Variants in ANKS1A observed in about 807,000 individuals in gnomAD.
The protein encoded by ANKS1A is ankyrin repeat and SAM domain-containing protein 1A.
ANKS1A carries 55 observed loss-of-function variants against 120.3 expected under a neutral mutation model. The ratio of observed to expected loss-of-function variants is 0.46; its 90% CI spans 0.37 to 0.57. The LOEUF is 0.57. ANKS1A is among the 20% of genes least tolerant of loss of function. The pLI is 0.00. For missense variants in ANKS1A, 1,123 were observed against 1,480.3 expected, an observed-to-expected ratio of 0.76 and a Z score of 3.96; for synonymous variants, 590 against 604.7, an observed-to-expected ratio of 0.98 and a Z score of 0.36.
In ANKS1A at chr6:35,090,560, G is replaced by C. The variant is rs1778247306; in HGVS notation, c.*1951G>C. ...TCATATTGGAAGCCTTGGCTAGTCT[G>C]CTCTAGCTCTGGGTTCTGTTTAGAG... is the stretch of plus-strand genomic sequence containing the variant. On this transcript the variant is annotated 3_prime_UTR_variant, in exon 24 of 24. Transcript: ENST00000360359. The C allele has an allele frequency of 9.8e-7, 1 of 1,020,586 alleles. No homozygotes were observed. Among genetic ancestry groups the C allele is most frequent in the Non-Finnish European group, 1.2e-6 (1 of 851,598 alleles). The allele number at this position is 1,020,586 out of a possible 1,614,324, so 63.2% of individuals were successfully genotyped here. A position where few individuals can be genotyped will look rare whatever the true frequency, so the allele number is the denominator to read the frequency against.
intron 11 of ANKS1A, among the ~76,000 whole-genome samples, chr6:35,045,331 C>A (rs1260432289): frequency 6.6e-6 from 1 of 152,178 alleles, no homozygotes; most frequent in Admixed American, 6.5e-5. Context: ...TTTGAGGAAA[C>A]TGAATCTTAA....
At chr6:35,041,685 C>T (rs137906422) in intron 11 of ANKS1A, among the ~76,000 whole-genome samples, 135 of 152,268 alleles carry the variant, frequency 8.9e-4, no homozygotes, top group African/African-American at 2.9e-3. Context: ...CATGTTGCTG[C>T]CCATATAGGC....
chr6:35,073,764 TTTTC>T (rs1777195481), intron 13 of ANKS1A, among the ~76,000 whole-genome samples: 1 of 152,196 alleles, frequency 6.6e-6, no homozygotes, highest in Non-Finnish European at 1.5e-5. Flanking sequence ...AGAAAATCTC[TTTTC>T]CCCCATGACC....
intron 13 of ANKS1A, among the ~76,000 whole-genome samples, chr6:35,070,272 C>T (rs1400737539): frequency 6.6e-6 from 1 of 152,066 alleles, no homozygotes; most frequent in Non-Finnish European, 1.5e-5. Context: ...CCAACTCTTT[C>T]CCAGCTTAAC....
Position 35,090,333 on chromosome 6 carries a change from A to C in ANKS1A, c.*1724A>C. 2 of 1,281,630 alleles carry C rather than the reference A, an allele frequency of 1.6e-6. No individual in the cohort carries two copies. The highest frequency in any genetic ancestry group is 2.0e-6 in the Non-Finnish European group (2 of 983,002). The allele number at this position is 1,281,630 out of a possible 1,614,324, so 79.4% of individuals were successfully genotyped here. A position where few individuals can be genotyped will look rare whatever the true frequency, so the allele number is the denominator to read the frequency against. On this transcript the variant is annotated 3_prime_UTR_variant, in exon 24 of 24. Coordinates refer to ENST00000360359, the MANE Select transcript of ANKS1A (RefSeq NM_015245.3). ...AGCATCCAGAGTAGACTGCGCTGCC[A>C]CTGCGCACATGCTGGTGCCCGTCTT... is the stretch of plus-strand genomic sequence containing the variant.
At chr6:34,963,830 T>G (rs1363957347) in intron 1 of ANKS1A, among the ~76,000 whole-genome samples, 1 of 152,206 alleles carries the variant, frequency 6.6e-6, no homozygotes, top group Non-Finnish European at 1.5e-5. Flanking sequence ...AGGTGATATA[T>G]CATTTTGGTT....
intron 1 of ANKS1A, among the ~76,000 whole-genome samples, chr6:34,893,516 A>G (rs968384331): frequency 1.3e-5 from 2 of 152,150 alleles, no homozygotes; most frequent in Admixed American, 1.3e-4. Flanking sequence ...TAAATAAGGG[A>G]GAGGAATCAT....
At position 35,089,584 on chromosome 6, in the gene ANKS1A, G is replaced by A. The variant is rs1341020031; in HGVS notation, c.*975G>A. The stretch of plus-strand genomic sequence containing the variant: ...TTTTGATTCTCTGAATTATCGGTTT[G>A]ACGGTTACACTTGGCTGCTGGGCCC... On this transcript the variant is annotated 3_prime_UTR_variant, in exon 24 of 24. Coordinates refer to ENST00000360359, the MANE Select transcript of ANKS1A (RefSeq NM_015245.3). 1 of 986,388 alleles carries A rather than the reference G, an allele frequency of 1.0e-6. No homozygotes were observed. Among genetic ancestry groups the A allele is most frequent in the Non-Finnish European group, 1.2e-6 (1 of 830,470 alleles). The allele number at this position is 986,388 out of a possible 1,614,324, so 61.1% of individuals were successfully genotyped here. A position where few individuals can be genotyped will look rare whatever the true frequency, so the allele number is the denominator to read the frequency against.
rs1347600263 is a variant in ANKS1A, at chr6:34,889,516, T to TGGCTCTGGGGGCGGCGGCGGCGGC, written c.115_138dup (p.Gly39_Gly46dup). 2.4e-6 allele frequency: 3 copies of TGGCTCTGGGGGCGGCGGCGGCGGC among 1,271,042 alleles called. No individual in the cohort carries two copies. The highest frequency in any genetic ancestry group is 1.6e-5 in the African/African-American group (1 of 63,624). The allele number at this position is 1,271,042 out of a possible 1,614,324, so 78.7% of individuals were successfully genotyped here. On this transcript the variant is annotated inframe_insertion, in exon 1 of 24. Transcript: ENST00000360359. The surrounding 1 kb of genome is among the most constrained non-coding windows in gnomAD (Gnocchi z 5.5). ...CAGGCTTTGGGGGCGGCGGCGGCGG[T>TGGCTCTGGGGGCGGCGGCGGCGGC]GGCTCTGGGGGCGGCGGCGGCGGCA...
chr6:35,005,302 G>T (rs368047293), intron 10 of ANKS1A, among the ~76,000 whole-genome samples: 3 of 152,090 alleles, frequency 2.0e-5, no homozygotes, highest in Admixed American at 6.5e-5. Context: ...AGCAAAAAAC[G>T]TGCTATTTGT....
intron 1 of ANKS1A, among the ~76,000 whole-genome samples, chr6:34,934,488 T>C (rs1349536125): frequency 6.6e-6 from 1 of 152,226 alleles, no homozygotes; most frequent in Non-Finnish European, 1.5e-5. Flanking sequence ...ATTGGTTTTT[T>C]AGTCACTGAA....
chr6:34,983,783 G>A (rs1049451990), intron 7 of ANKS1A, among the ~76,000 whole-genome samples: 2 of 149,288 alleles, frequency 1.3e-5, no homozygotes, highest in African/African-American at 5.0e-5. Context: ...CAGTTGACGA[G>A]TAATAAATTT....
chr6:35,043,604 T>C (rs921267111), intron 11 of ANKS1A, among the ~76,000 whole-genome samples: 2 of 152,224 alleles, frequency 1.3e-5, no homozygotes, highest in African/African-American at 4.8e-5. Context: ...ATTGTTCCAG[T>C]AGAAGCCTCT....
intron 11 of ANKS1A, among the ~76,000 whole-genome samples, chr6:35,022,454 G>A (rs1289544190): frequency 6.6e-6 from 1 of 152,138 alleles, no homozygotes; most frequent in Non-Finnish European, 1.5e-5. Context: ...AAGATGGCCT[G>A]GTTAAGGTAA....
At chr6:34,974,080 ATTCCCCTTCCC>A (rs1561882338) in intron 3 of ANKS1A, among the ~76,000 whole-genome samples, 3 of 2,472 alleles carry the variant, frequency 1.2e-3, no homozygotes, top group Non-Finnish European at 1.3e-3. Flanking sequence ...TTCCCCTTCC[ATTCCCCTTCCC>A]TTCCCCTTCC....
chr6:35,002,767 TAGAC>T (rs1284639086), intron 10 of ANKS1A, among the ~76,000 whole-genome samples: 1 of 151,998 alleles, frequency 6.6e-6, no homozygotes, highest in Non-Finnish European at 1.5e-5. Context: ...TCTCAATTAT[TAGAC>T]AATATTGCAT....
At chr6:35,080,496 C>T (rs889885515) in intron 16 of ANKS1A, among the ~76,000 whole-genome samples, 1 of 152,170 alleles carries the variant, frequency 6.6e-6, no homozygotes, top group East Asian at 1.9e-4. Context: ...CTGGGCCTGC[C>T]CCGCAGGTCT....
chr6:35,032,848 C>T (rs1774977215), intron 11 of ANKS1A, among the ~76,000 whole-genome samples: 1 of 152,118 alleles, frequency 6.6e-6, no homozygotes, highest in African/African-American at 2.4e-5. Flanking sequence ...CAGAAATTTA[C>T]AGATTTTGGG....
intron 8 of ANKS1A, among the ~76,000 whole-genome samples, chr6:34,987,848 A>G (rs184748129): frequency 1.3e-5 from 2 of 152,366 alleles, no homozygotes; most frequent in Admixed American, 6.5e-5. Context: ...CTGTTTTAAC[A>G]ACACAGTGAA....
Sources: allele counts gnomAD v4.1 joint callset (sites outside exome capture counted in the v4.1 genomes callset), GRCh38; gene constraint gnomAD v4.1.1; non-coding constraint Gnocchi (gnomAD v3.1); transcripts MANE v1.5; gene names NCBI Gene and HGNC (gene_info 2026-07-23, HGNC 2026-07-21).